The following EHD4 variants were observed in gnomAD, a reference collection of about 807,000 sequenced individuals.
EHD4 encodes the protein EH domain containing 4.
A neutral mutation model predicts 51.0 loss-of-function variants in EHD4; 37 were observed. That is an observed-to-expected ratio of 0.73 (90% CI 0.56 to 0.95). The LOEUF is 0.95. Among genes scored for constraint, EHD4 ranks in the 40% least tolerant of loss-of-function variants. The pLI is 0.00. For missense variants in EHD4, 632 were observed against 733.1 expected (o/e 0.86, Z 1.59); for synonymous variants, 297 against 317.3 (o/e 0.94, Z 0.68).
At chr15:41,966,488 C>T (rs1269102729) in intron 1 of EHD4, among the ~76,000 whole-genome samples, 2 of 152,174 alleles carry the variant, frequency 1.3e-5, no homozygotes, top group African/African-American at 2.4e-5. Flanking sequence ...CCACTCCCCA[C>T]ATTTCATGCC....
intron 4 of EHD4, among the ~76,000 whole-genome samples, chr15:41,911,580 C>T (rs763364372): frequency 2.6e-4 from 40 of 152,200 alleles, no homozygotes; most frequent in Non-Finnish European, 4.4e-4. Flanking sequence ...GCTGTCCTTG[C>T]ATCATTTCCT....
At chr15:41,964,136 C>A (rs2067945588) in intron 1 of EHD4, among the ~76,000 whole-genome samples, 1 of 112,928 alleles carries the variant, frequency 8.9e-6, no homozygotes, top group African/African-American at 3.6e-5. Context: ...CAGAGTGAGA[C>A]TCCATCTCAA....
At chr15:41,919,968 A>G (rs1229931878) in intron 3 of EHD4, among the ~76,000 whole-genome samples, 1 of 152,224 alleles carries the variant, frequency 6.6e-6, no homozygotes, top group Non-Finnish European at 1.5e-5. Flanking sequence ...ATGGTTTTAT[A>G]AAAACACAGG....
intron 3 of EHD4, among the ~76,000 whole-genome samples, chr15:41,924,837 G>A (rs1239794449): frequency 2.0e-5 from 3 of 152,012 alleles, no homozygotes; most frequent in Admixed American, 6.6e-5. Flanking sequence ...CAGGTGGATC[G>A]CCTGAGGTCA....
rs773716100 is a variant in EHD4 at position 41,900,484 on chromosome 15, G to T, written c.*161C>A. On this transcript the variant is annotated 3_prime_UTR_variant, in exon 6 of 6. Transcript: ENST00000220325. The surrounding 1 kb of genome is among the most constrained non-coding windows in gnomAD (Gnocchi z 4.8). ...AACTAAGGGAATTTTGGAGGTGAAA[G>T]AAGTCATCTAGTTTCCAGTGTCCAC... 3 of 701,474 alleles carry T rather than the reference G, an allele frequency of 4.3e-6. No individual in the cohort carries two copies. Among genetic ancestry groups the T allele is most frequent in the Non-Finnish European group, 4.6e-6 (2 of 434,822 alleles). 43.5% of individuals were successfully genotyped at this position (701,474 alleles called of 1,614,324 possible).
At chr15:41,915,226 A>G (rs1411245794) in intron 4 of EHD4, among the ~76,000 whole-genome samples, 1 of 152,202 alleles carries the variant, frequency 6.6e-6, no homozygotes, top group Non-Finnish European at 1.5e-5. Flanking sequence ...AGCCTAGAGA[A>G]AAACTGTCAT....
At chr15:41,947,273 C>G (rs1402445978) in intron 2 of EHD4, among the ~76,000 whole-genome samples, 1 of 152,204 alleles carries the variant, frequency 6.6e-6, no homozygotes, top group Non-Finnish European at 1.5e-5. Context: ...CCCTAAGAGG[C>G]TTCCTTGTGT....
chr15:41,970,691 C>T (rs2067989538), intron 1 of EHD4, among the ~76,000 whole-genome samples: 1 of 152,202 alleles, frequency 6.6e-6, no homozygotes, highest in Non-Finnish European at 1.5e-5. Flanking sequence ...GACACCTGGG[C>T]ACAACAAGGA....
intron 3 of EHD4, among the ~76,000 whole-genome samples, chr15:41,927,667 C>T (rs940415257): frequency 6.6e-5 from 10 of 152,180 alleles, no homozygotes; most frequent in Non-Finnish European, 1.3e-4. Flanking sequence ...AGAGGGGAAC[C>T]ATGACTGCCA....
chr15:41,908,195 T>G (rs937979101), intron 5 of EHD4: 7 of 152,140 alleles, frequency 4.6e-5, no homozygotes, highest in Non-Finnish European at 1.0e-4. Flanking sequence ...TAAATACAGC[T>G]AAAGCATATT....
At chr15:41,947,163 T>C (rs2067820564) in intron 2 of EHD4, among the ~76,000 whole-genome samples, 1 of 152,196 alleles carries the variant, frequency 6.6e-6, no homozygotes, top group African/African-American at 2.4e-5. Flanking sequence ...CCTGGGCTAC[T>C]ATCACCATGG....
At chr15:41,951,501 A>G (rs993945056) in intron 2 of EHD4, among the ~76,000 whole-genome samples, 3 of 151,996 alleles carry the variant, frequency 2.0e-5, no homozygotes, top group African/African-American at 7.2e-5. Context: ...AAAGTAAATC[A>G]TTTGCCAAAA....
At chr15:41,923,178 C>A (rs776664439) in intron 3 of EHD4, among the ~76,000 whole-genome samples, 1 of 152,182 alleles carries the variant, frequency 6.6e-6, no homozygotes. Flanking sequence ...TAGCCCCTGG[C>A]GACCACCATT....
chr15:41,906,136 A>C (rs561398978), intron 5 of EHD4, among the ~76,000 whole-genome samples: 1 of 152,324 alleles, frequency 6.6e-6, no homozygotes, highest in East Asian at 1.9e-4. Flanking sequence ...AGTCAAATCC[A>C]TGGACTGGAT....
rs572411797 is a variant in EHD4 at position 41,919,639 on chromosome 15, A to C, written c.512-17T>G. 6.0e-6 allele frequency: 9 copies of C among 1,506,922 alleles called. No individual in the cohort carries two copies. Among genetic ancestry groups the C allele is most frequent in the Middle Eastern group, 3.6e-4 (2 of 5,554 alleles). 93.3% of individuals were successfully genotyped at this position (1,506,922 alleles called of 1,614,324 possible). On this transcript the variant is annotated splice_polypyrimidine_tract_variant and intron_variant, in intron 3 of 5. Transcript: ENST00000220325. ...AGTCATAGCCTGGGTGGAGAGAAGG[A>C]CACGTCAGTGTAGCCACTGCTGCAG...
intron 3 of EHD4, among the ~76,000 whole-genome samples, chr15:41,931,805 T>G (rs1049517666): frequency 6.6e-6 from 1 of 151,602 alleles, no homozygotes. Flanking sequence ...GCCTCCTGAG[T>G]AGCTGGGATT....
chr15:41,946,153 A>G (rs1001858007), intron 2 of EHD4, among the ~76,000 whole-genome samples: 1 of 152,224 alleles, frequency 6.6e-6, no homozygotes, highest in African/African-American at 2.4e-5. Flanking sequence ...GATTAACACA[A>G]GGAGGATCTG....
chr15:41,954,160 G>T (rs2067871219), intron 1 of EHD4, among the ~76,000 whole-genome samples: 1 of 152,166 alleles, frequency 6.6e-6, no homozygotes. Flanking sequence ...TGGAAGCTCT[G>T]CTCAGGCTCA....
chr15:41,905,756 G>A (rs776472634), intron 5 of EHD4, among the ~76,000 whole-genome samples: 1 of 152,024 alleles, frequency 6.6e-6, no homozygotes, highest in African/African-American at 2.4e-5. Flanking sequence ...TAGCAGCCTC[G>A]ACCTCCGGGC....
Sources: allele counts gnomAD v4.1 joint callset (sites outside exome capture counted in the v4.1 genomes callset), GRCh38; gene constraint gnomAD v4.1.1; non-coding constraint Gnocchi (gnomAD v3.1); transcripts MANE v1.5; gene names NCBI Gene and HGNC (gene_info 2026-07-23, HGNC 2026-07-21).